The following RIN2 variants were observed in gnomAD, a reference collection of about 807,000 sequenced individuals.
The protein encoded by RIN2 is Ras and Rab interactor 2, also known as RAB5 interacting protein 2.
A neutral mutation model predicts 78.0 loss-of-function variants in RIN2; 36 were observed. That is an observed-to-expected ratio of 0.46 (90% confidence interval 0.35 to 0.61). The LOEUF (loss-of-function observed/expected upper bound fraction) is 0.61, where lower values mean the gene tolerates loss of function less well. RIN2 is among the 20% of genes least tolerant of loss of function. The probability of loss-of-function intolerance (pLI) is 0.00; values close to 1 mark genes in which losing one functional copy is unlikely to be tolerated. For missense variants in RIN2, 1,087 were observed against 1,159.7 expected (o/e 0.94, Z 0.91); for synonymous variants, 466 against 466.8 (o/e 1.00, Z 0.02).
Position 19,990,316 on chromosome 20 carries a change from G to A in RIN2, c.2068+5G>A, listed in dbSNP as rs80285565. ...CGGTCATGGAGAACAACTCAGGTGAGGCCGCTGGAAGCCCAGGCTTCGTGC... is the reference window on the plus strand; with the variant it reads ...CGGTCATGGAGAACAACTCAGGTGAAGCCGCTGGAAGCCCAGGCTTCGTGC... On this transcript the variant is annotated splice_donor_5th_base_variant and intron_variant, in intron 10 of 12. Coordinates refer to ENST00000255006, the MANE Select transcript of RIN2 (RefSeq NM_018993.4). 8 of 1,600,474 alleles carry A rather than the reference G, an allele frequency of 5.0e-6. No homozygotes were observed. The East Asian group carries it at 9.0e-5, about 18-fold the overall frequency.
At chr20:19,944,249 G>T (rs1475030783) in intron 4 of RIN2, among the ~76,000 whole-genome samples, 4 of 151,938 alleles carry the variant, frequency 2.6e-5, no homozygotes, top group Non-Finnish European at 5.9e-5. Context: ...TCTACATAAG[G>T]GGCCTCTGGT....
At chr20:19,958,466 G>A (rs2041627879) in intron 5 of RIN2, among the ~76,000 whole-genome samples, 1 of 152,260 alleles carries the variant, frequency 6.6e-6, no homozygotes, top group Non-Finnish European at 1.5e-5. Flanking sequence ...AGCCAGGCAT[G>A]TTCTCTCCAT....
At chr20:19,971,092 C>T (rs543903253) in intron 8 of RIN2, among the ~76,000 whole-genome samples, 163 bp downstream of exon 8, 1 of 152,108 alleles carries the variant, frequency 6.6e-6, no homozygotes, top group South Asian at 2.1e-4. Context: ...ACATCTGTAA[C>T]GTGTTGATGT....
chr20:19,891,119 T>C (rs2038440260), intron 3 of RIN2, among the ~76,000 whole-genome samples: 1 of 152,182 alleles, frequency 6.6e-6, no homozygotes, highest in Non-Finnish European at 1.5e-5. Flanking sequence ...GAAGAATGAG[T>C]TACGTTATGT....
chr20:19,810,974 G>T (rs1377083464), intron 2 of RIN2, among the ~76,000 whole-genome samples: 1 of 151,384 alleles, frequency 6.6e-6, no homozygotes, highest in Non-Finnish European at 1.5e-5. Context: ...GCCTCCCAAA[G>T]TGCTGGGATT....
At chr20:19,927,450 T>C (rs1217897849) in intron 3 of RIN2, among the ~76,000 whole-genome samples, 1 of 152,084 alleles carries the variant, frequency 6.6e-6, no homozygotes, top group Non-Finnish European at 1.5e-5. Flanking sequence ...AGTCTCACTC[T>C]GTTGCCCAGG....
At chr20:19,856,965 T>A (rs1225706252) in intron 2 of RIN2, among the ~76,000 whole-genome samples, 1 of 152,220 alleles carries the variant, frequency 6.6e-6, no homozygotes, top group Non-Finnish European at 1.5e-5. Flanking sequence ...CCTCATTTTT[T>A]AAAACCTTAA....
intron 2 of RIN2, among the ~76,000 whole-genome samples, chr20:19,801,439 G>C (rs985236119): frequency 5.9e-5 from 9 of 152,074 alleles, no homozygotes; most frequent in African/African-American, 2.2e-4. Context: ...TCCTGCCTCA[G>C]CCTCCCGAGT....
At chr20:19,885,179 C>CT (rs1297340181) in intron 2 of RIN2, among the ~76,000 whole-genome samples, 1 of 152,140 alleles carries the variant, frequency 6.6e-6, no homozygotes, top group Non-Finnish European at 1.5e-5. Context: ...TTTGCTGCTT[C>CT]TTTTGTGGGT....
At chr20:19,810,947 G>C (rs2035579094) in intron 2 of RIN2, among the ~76,000 whole-genome samples, 1 of 150,784 alleles carries the variant, frequency 6.6e-6, no homozygotes. Context: ...TCCTGACCTC[G>C]TGATCCGCCC....
At chr20:19,927,289 C>A (rs2083995158) in intron 3 of RIN2, among the ~76,000 whole-genome samples, 1 of 152,216 alleles carries the variant, frequency 6.6e-6, no homozygotes, top group Admixed American at 6.5e-5. Context: ...ACTCTGTTAC[C>A]TAGGCTGGAG....
At chr20:19,821,277 T>C (rs994102740) in intron 2 of RIN2, among the ~76,000 whole-genome samples, 18 of 152,318 alleles carry the variant, frequency 1.2e-4, no homozygotes, top group African/African-American at 4.3e-4. Flanking sequence ...TTTATCTTTC[T>C]AGATGTCTTA....
chr20:19,844,606 CTTCTTCTTCTT>C (rs2036687863), intron 2 of RIN2, among the ~76,000 whole-genome samples: 1 of 49,050 alleles, frequency 2.0e-5, no homozygotes, highest in African/African-American at 1.1e-4. Flanking sequence ...TCTTCCTCTT[CTTCTTCTTCTT>C]CTTCTTCTTC....
At chr20:19,950,938 G>A (rs1385099722) in intron 4 of RIN2, among the ~76,000 whole-genome samples, 1 of 147,340 alleles carries the variant, frequency 6.8e-6, no homozygotes, top group African/African-American at 2.5e-5. Flanking sequence ...CACCCCCGCT[G>A]AAGTGCAGTG....
intron 11 of RIN2, among the ~76,000 whole-genome samples, chr20:19,995,753 G>A (rs2042941663): frequency 6.6e-6 from 1 of 152,186 alleles, no homozygotes; most frequent in Non-Finnish European, 1.5e-5. Flanking sequence ...TTTGCGAACA[G>A]TTCTTTCAAA....
chr20:19,993,249 C>A (rs1248817875), intron 11 of RIN2, among the ~76,000 whole-genome samples: 2 of 151,530 alleles, frequency 1.3e-5, no homozygotes, highest in Non-Finnish European at 2.9e-5. Context: ...CCCAGACAAG[C>A]CCTGGGGGGG....
At chr20:19,963,558 G>A (rs1389571911) in intron 6 of RIN2, among the ~76,000 whole-genome samples, 2 of 150,244 alleles carry the variant, frequency 1.3e-5, no homozygotes, top group Non-Finnish European at 2.9e-5. Flanking sequence ...GCAGTGAGCT[G>A]AGATTGCACC....
chr20:19,808,872 T>G (rs1363156005), intron 2 of RIN2, among the ~76,000 whole-genome samples: 3 of 152,094 alleles, frequency 2.0e-5, no homozygotes, highest in Non-Finnish European at 4.4e-5. Context: ...GCCTTTATGG[T>G]CAGGAGACGA....
chr20:19,851,029 G>GGAAGGAAGGAAT (rs2036949879), intron 2 of RIN2, among the ~76,000 whole-genome samples: 1 of 112,274 alleles, frequency 8.9e-6, no homozygotes, highest in African/African-American at 3.8e-5. Context: ...AAGGAAGGAA[G>GGAAGGAAGGAAT]GAAGGAAGGA....
Sources: allele counts gnomAD v4.1 joint callset (sites outside exome capture counted in the v4.1 genomes callset), GRCh38; gene constraint gnomAD v4.1.1; transcripts MANE v1.5; gene names NCBI Gene and HGNC (gene_info 2026-07-23, HGNC 2026-07-21).